BLTP1: variants seen among roughly 807,000 people sequenced by gnomAD.
The protein encoded by BLTP1 is bridge-like lipid transfer protein family member 1.
At chr4:122,209,097 G>A in the BLTP1 span, 2 of 1,474,300 alleles carry the variant, frequency 1.4e-6, no homozygotes, top group South Asian at 1.4e-5. Flanking sequence ...TTGCCCGTAA[G>A]TATTAACCAA....
At chr4:122,222,600 CTCT>C in the BLTP1 span, among the ~76,000 whole-genome samples, 1 of 152,134 alleles carries the variant, frequency 6.6e-6, no homozygotes, top group Admixed American at 6.5e-5. Context: ...CCTTCCTTGC[CTCT>C]TCTTAGGCTC....
the BLTP1 span, among the ~76,000 whole-genome samples, chr4:122,195,837 A>C: frequency 6.6e-6 from 1 of 152,148 alleles, no homozygotes; most frequent in Non-Finnish European, 1.5e-5. Context: ...TGTCTGGTTC[A>C]TCTAATTTTT....
chr4:122,259,369 T>C, the BLTP1 span, among the ~76,000 whole-genome samples: 26 of 152,310 alleles, frequency 1.7e-4, 1 homozygote, highest in South Asian at 5.2e-3. Context: ...GTTTCCTTGG[T>C]GTAAGATGGA....
chr4:122,231,658 G>A, the BLTP1 span: 5 of 961,786 alleles, frequency 5.2e-6, no homozygotes, highest in Non-Finnish European at 6.2e-6. Context: ...AATAGCATCT[G>A]TATTATTTTT....
At chr4:122,319,661 C>T in the BLTP1 span, among the ~76,000 whole-genome samples, 211 of 151,864 alleles carry the variant, frequency 1.4e-3, 3 homozygotes, top group African/African-American at 4.8e-3. Context: ...CTCCCTCAGC[C>T]TCCCAAGTAG....
the BLTP1 span, among the ~76,000 whole-genome samples, chr4:122,167,362 A>G: frequency 3.9e-5 from 6 of 152,080 alleles, no homozygotes; most frequent in Middle Eastern, 3.4e-3. Context: ...TCCTTATCCT[A>G]TTTCTGCCGC....
chr4:122,208,297 CTCA>C, the BLTP1 span: 1 of 709,748 alleles, frequency 1.4e-6, no homozygotes, highest in Non-Finnish European at 1.7e-6. Flanking sequence ...GCTTTTGTAA[CTCA>C]TCATACAACT....
chr4:122,345,477 T>C, the BLTP1 span, among the ~76,000 whole-genome samples: 1 of 142,880 alleles, frequency 7.0e-6, no homozygotes, highest in African/African-American at 2.5e-5. Context: ...AAGCACAGGG[T>C]ATAAGTGAAC....
the BLTP1 span, among the ~76,000 whole-genome samples, chr4:122,203,579 T>C: frequency 1.3e-5 from 2 of 151,866 alleles, no homozygotes; most frequent in African/African-American, 4.8e-5. Context: ...AAGTGCTTCC[T>C]TTTTCTAATC....
the BLTP1 span, chr4:122,224,343 C>A: frequency 5.4e-6 from 2 of 370,562 alleles, no homozygotes; most frequent in Non-Finnish European, 7.5e-6. Flanking sequence ...AATACCTCTG[C>A]GGGTACAAGG....
At chr4:122,228,908 A>G in the BLTP1 span, among the ~76,000 whole-genome samples, 1 of 152,164 alleles carries the variant, frequency 6.6e-6, no homozygotes, top group East Asian at 1.9e-4. Context: ...AAAATGGTGC[A>G]TGCTTACTTA....
the BLTP1 span, among the ~76,000 whole-genome samples, chr4:122,274,003 T>A: frequency 1.7e-4 from 26 of 152,204 alleles, no homozygotes; most frequent in East Asian, 4.8e-3. Context: ...TCTTATTTTT[T>A]AAAATTTTCC....
chr4:122,281,543 C>T, the BLTP1 span: 6 of 1,585,046 alleles, frequency 3.8e-6, no homozygotes, highest in East Asian at 6.8e-5. Flanking sequence ...TAGCCCACAG[C>T]CTGTAAAAGA....
chr4:122,249,742 A>G, the BLTP1 span: 2 of 1,589,262 alleles, frequency 1.3e-6, no homozygotes, highest in Non-Finnish European at 1.7e-6. Context: ...ATATTGCAGA[A>G]ATGTTTTGAA....
the BLTP1 span, chr4:122,220,996 A>G: frequency 1.3e-4 from 77 of 597,184 alleles, no homozygotes; most frequent in Admixed American, 4.5e-3. Flanking sequence ...ATTTCTGGGT[A>G]GATTATAATT....
the BLTP1 span, chr4:122,276,244 A>G: frequency 7.4e-6 from 3 of 405,118 alleles, no homozygotes; most frequent in Non-Finnish European, 1.2e-5. Context: ...GTTGTTGACA[A>G]GTTGTAACAC....
the BLTP1 span, chr4:122,343,537 T>C: frequency 6.2e-7 from 1 of 1,614,004 alleles, no homozygotes; most frequent in African/African-American, 1.3e-5. Context: ...TTTCCCTTTA[T>C]GTATTTCATC....
chr4:122,307,460 C>T, the BLTP1 span: 1 of 985,204 alleles, frequency 1.0e-6, no homozygotes, highest in Non-Finnish European at 1.2e-6. Flanking sequence ...CATCTATACA[C>T]TGCTGTGAAA....
the BLTP1 span, chr4:122,235,598 G>A: frequency 6.5e-6 from 2 of 305,938 alleles, no homozygotes; most frequent in East Asian, 1.7e-4. Flanking sequence ...GAGGTCAGGA[G>A]ATCAAGACCA....
Sources: gnomAD v4.1 joint callset for allele counts (sites outside exome capture counted in the v4.1 genomes callset) on GRCh38, gnomAD v4.1.1 for gene constraint, MANE v1.5 for transcripts, NCBI Gene and HGNC (gene_info 2026-07-23, HGNC 2026-07-21) for gene names.